CHST9: variants seen among roughly 807,000 people sequenced by gnomAD.
CHST9 encodes the protein GalNAc-4-sulfotransferase 2.
Under a neutral mutation model 44.4 loss-of-function variants are expected in CHST9, and 41 were observed. The ratio of observed to expected loss-of-function variants is 0.92; its 90% CI spans 0.72 to 1.20. The LOEUF (loss-of-function observed/expected upper bound fraction) is 1.20, where lower values mean the gene tolerates loss of function less well. CHST9 is among the 50% of genes most tolerant of loss of function. The pLI is 0.00. For synonymous variants in CHST9, 171 were observed against 178.4 expected, an observed-to-expected ratio of 0.96 and a Z score of 0.33; for missense variants, 504 against 516.5, an observed-to-expected ratio of 0.98 and a Z score of 0.23.
At chr18:27,058,365 T>C (rs1226166908) in intron 2 of CHST9, among the ~76,000 whole-genome samples, 2 of 152,220 alleles carry the variant, frequency 1.3e-5, no homozygotes, top group Non-Finnish European at 2.9e-5. Context: ...ATAATGTTTA[T>C]TCACTCCTGT....
intron 4 of CHST9, among the ~76,000 whole-genome samples, chr18:26,973,817 A>G (rs1040623329): frequency 6.6e-6 from 1 of 152,138 alleles, no homozygotes; most frequent in African/African-American, 2.4e-5. Context: ...GCTATGTGCT[A>G]TTCTTCCTTT....
chr18:26,971,814 G>A (rs564651445), intron 4 of CHST9, among the ~76,000 whole-genome samples: 1 of 20,292 alleles, frequency 4.9e-5, no homozygotes, highest in South Asian at 6.4e-4. Context: ...GAGCGCCCAT[G>A]GCTATGGATA....
intron 1 of CHST9, among the ~76,000 whole-genome samples, chr18:27,168,323 C>T (rs1227269544): frequency 1.3e-5 from 2 of 152,160 alleles, no homozygotes; most frequent in Non-Finnish European, 2.9e-5. Context: ...ATCCGCCCGC[C>T]TCAGCCTCCC....
At chr18:26,981,455 A>G (rs935259814) in intron 4 of CHST9, among the ~76,000 whole-genome samples, 1 of 152,220 alleles carries the variant, frequency 6.6e-6, no homozygotes, top group African/African-American at 2.4e-5. Flanking sequence ...TAAGTGGCAT[A>G]TTCAGAACAG....
At chr18:26,994,224 G>C (rs2056858341) in intron 4 of CHST9, among the ~76,000 whole-genome samples, 1 of 152,124 alleles carries the variant, frequency 6.6e-6, no homozygotes, top group Non-Finnish European at 1.5e-5. Context: ...CTAACACTAG[G>C]TTTCCGAAAA....
intron 1 of CHST9, among the ~76,000 whole-genome samples, chr18:27,154,240 T>G (rs1391090647): frequency 2.6e-5 from 4 of 152,176 alleles, no homozygotes; most frequent in African/African-American, 9.7e-5. Flanking sequence ...GCAGTTATAT[T>G]CTCGGTGCTA....
At chr18:27,141,721 G>C (rs868565891) in intron 2 of CHST9, among the ~76,000 whole-genome samples, 4 of 148,350 alleles carry the variant, frequency 2.7e-5, no homozygotes, top group African/African-American at 7.5e-5. Flanking sequence ...GATTCTTAAG[G>C]GTTTTATATC....
At chr18:27,138,018 C>G (rs1472297580) in intron 2 of CHST9, among the ~76,000 whole-genome samples, 1 of 152,152 alleles carries the variant, frequency 6.6e-6, no homozygotes, top group African/African-American at 2.4e-5. Context: ...AGCCTCCACT[C>G]CCCTCCTTCT....
At chr18:27,030,544 G>A (rs2057329386) in intron 3 of CHST9, among the ~76,000 whole-genome samples, 1 of 152,220 alleles carries the variant, frequency 6.6e-6, no homozygotes, top group Non-Finnish European at 1.5e-5. Context: ...TGAAATAAGT[G>A]CTTCTTTTCA....
At chr18:27,057,527 T>G (rs1232277110) in intron 2 of CHST9, among the ~76,000 whole-genome samples, 1 of 152,252 alleles carries the variant, frequency 6.6e-6, no homozygotes, top group Non-Finnish European at 1.5e-5. Flanking sequence ...TTAGATAAAC[T>G]CCACTTGCTC....
chr18:26,937,339 A>C (rs1195150934), intron 5 of CHST9, among the ~76,000 whole-genome samples: 3 of 152,192 alleles, frequency 2.0e-5, no homozygotes, highest in Non-Finnish European at 4.4e-5. Context: ...AAGACATACC[A>C]CATCATAAAA....
intron 2 of CHST9, among the ~76,000 whole-genome samples, chr18:27,140,614 TTTTC>T (rs1256950617): frequency 6.6e-6 from 1 of 152,196 alleles, no homozygotes; most frequent in African/African-American, 2.4e-5. Context: ...AATGAGATCT[TTTTC>T]TTTCTTCTTC....
chr18:27,099,671 C>T (rs2058151902), intron 2 of CHST9, among the ~76,000 whole-genome samples: 1 of 152,058 alleles, frequency 6.6e-6, no homozygotes, highest in Non-Finnish European at 1.5e-5. Context: ...GATATTATCT[C>T]ACACCAGTCA....
chr18:27,169,021 A>G (rs555664530), intron 1 of CHST9, among the ~76,000 whole-genome samples: 12 of 152,270 alleles, frequency 7.9e-5, no homozygotes, highest in Admixed American at 1.3e-4. Flanking sequence ...TGAAGTCATC[A>G]GTCCTATAGC....
intron 4 of CHST9, among the ~76,000 whole-genome samples, chr18:26,967,720 G>A (rs894986954): frequency 1.3e-5 from 2 of 152,140 alleles, no homozygotes; most frequent in Admixed American, 6.5e-5. Context: ...GCAAAGTATT[G>A]TTGTTCCTGG....
intron 2 of CHST9, among the ~76,000 whole-genome samples, chr18:27,082,917 C>A (rs1208404978): frequency 1.3e-5 from 2 of 152,036 alleles, no homozygotes; most frequent in African/African-American, 2.4e-5. Flanking sequence ...AATCTTTTAG[C>A]AAATAGATAT....
At chr18:27,134,211 C>T (rs2058495322) in intron 2 of CHST9, among the ~76,000 whole-genome samples, 1 of 151,924 alleles carries the variant, frequency 6.6e-6, no homozygotes, top group Non-Finnish European at 1.5e-5. Flanking sequence ...TTATATCAGT[C>T]CAGTCTAGAA....
intron 5 of CHST9, among the ~76,000 whole-genome samples, chr18:26,922,889 G>C (rs961188561): frequency 4.6e-5 from 7 of 152,150 alleles, no homozygotes; most frequent in Non-Finnish European, 7.4e-5. Context: ...AGCCGCCTCG[G>C]CCTCCCAAAC....
At chr18:27,176,235 G>A (rs2058866836) in intron 1 of CHST9, among the ~76,000 whole-genome samples, 1 of 151,962 alleles carries the variant, frequency 6.6e-6, no homozygotes, top group Non-Finnish European at 1.5e-5. Context: ...ATTCATTTAA[G>A]TGTTATCCGT....
Sources: allele counts gnomAD v4.1 joint callset (sites outside exome capture counted in the v4.1 genomes callset), GRCh38; gene constraint gnomAD v4.1.1; transcripts MANE v1.5; gene names NCBI Gene and HGNC (gene_info 2026-07-23, HGNC 2026-07-21).